Variants in MEP1B observed in about 807,000 individuals in gnomAD.
MEP1B encodes the protein N-benzoyl-L-tyrosyl-P-amino-benzoic acid hydrolase subunit beta.
Under a neutral mutation model 84.6 loss-of-function variants are expected in MEP1B, and 80 were observed. That is an observed-to-expected ratio of 0.95 (90% CI 0.79 to 1.14). MEP1B has a LOEUF of 1.14. Ranked by LOEUF, MEP1B falls within the 50% of genes most tolerant of loss-of-function variation. The pLI, the probability that MEP1B is intolerant of heterozygous loss-of-function variation, is 0.00. For missense variants in MEP1B, 766 were observed against 855.1 expected (o/e 0.90, Z 1.30); for synonymous variants, 273 against 288.1 (o/e 0.95, Z 0.53).
At chr18:32,202,710 A>T (rs566375882) in intron 5 of MEP1B, among the ~76,000 whole-genome samples, 183 bp from the exon 6 acceptor site, 69 of 152,350 alleles carry the variant, frequency 4.5e-4, no homozygotes, top group African/African-American at 1.6e-3. Flanking sequence ...CTGAAGAATA[A>T]GCAGATACTG....
intron 10 of MEP1B, 121 bp from the exon 11 acceptor site, chr18:32,212,995 C>A: frequency 1.1e-6 from 1 of 885,412 alleles, no homozygotes; most frequent in Non-Finnish European, 1.7e-6. Flanking sequence ...AACCATACTT[C>A]TGACCTGTAG....
At chr18:32,208,380 T>A in intron 9 of MEP1B, 109 bp downstream of exon 9, 2 of 1,152,062 alleles carry the variant, frequency 1.7e-6, no homozygotes, top group Non-Finnish European at 2.4e-6. Context: ...TTATTAATGA[T>A]TATTCATTAG....
In MEP1B at chr18:32,204,321, G is replaced by C; in HGVS notation, c.508G>C (p.Asp170His). ...FWHEQSRSDR[D>H]DYVRIMWDRI... ...GCATGAGCAGTCGCGTTCTGACCGG[G>C]ATGACTATGTCAGGATAATGTGGGA... The change falls in exon 7 of 15, where the codon GAT (aspartate) becomes CAT (histidine). Residue 170 changes from aspartate to histidine, a missense_variant. Coordinates refer to ENST00000269202, the MANE Select transcript of MEP1B (RefSeq NM_005925.3). 1 of 1,601,550 alleles carries C rather than the reference G, an allele frequency of 6.2e-7. No individual in the cohort carries two copies.
At chr18:32,206,485 A>C (rs1226824465) in intron 7 of MEP1B, among the ~76,000 whole-genome samples, 2 of 150,002 alleles carry the variant, frequency 1.3e-5, no homozygotes, top group Non-Finnish European at 3.0e-5. Context: ...GCTGGAGTGC[A>C]GTGGCGTGAT....
At chr18:32,202,577 T>C (rs908969147) in intron 5 of MEP1B, among the ~76,000 whole-genome samples, 2 of 152,206 alleles carry the variant, frequency 1.3e-5, no homozygotes, top group Non-Finnish European at 2.9e-5. Flanking sequence ...GTGATGGTGA[T>C]TATTTATTTT....
At chr18:32,214,846 T>C (rs2041065845) in intron 11 of MEP1B, among the ~76,000 whole-genome samples, 1 of 152,198 alleles carries the variant, frequency 6.6e-6, no homozygotes, top group African/African-American at 2.4e-5. Context: ...AAACTTCTGG[T>C]ACCTCTCCAC....
In MEP1B at chr18:32,196,001, C is replaced by T. The variant is rs370677780; in HGVS notation, c.250+516C>T. ...CCTGGTGAGTGAGGCCACTGACTGA[C>T]TGTCCATCTGCCTGTCCCTCTCTAT... On this transcript the variant is annotated intron_variant, in intron 5 of 14. Coordinates refer to ENST00000269202, the MANE Select transcript of MEP1B (RefSeq NM_005925.3). This position sits in a 1 kb window ranked among gnomAD's most constrained non-coding sequence, Gnocchi z 4.4. 5.8e-6 allele frequency: 2 copies of T among 345,576 alleles called. No individual in the cohort carries two copies. The allele number at this position is 345,576 out of a possible 1,614,324, so 21.4% of individuals were successfully genotyped here.
In MEP1B at chr18:32,196,435, G is replaced by T; in HGVS notation, c.250+950G>T. 1 of 694,492 alleles carries T rather than the reference G, an allele frequency of 1.4e-6. No homozygotes were observed. Among genetic ancestry groups the T allele is most frequent in the Non-Finnish European group, 2.7e-6 (1 of 376,184 alleles). The allele number at this position is 694,492 out of a possible 1,614,324, so 43.0% of individuals were successfully genotyped here. A position where few individuals can be genotyped will look rare whatever the true frequency, so the allele number is the denominator to read the frequency against. On this transcript the variant is annotated intron_variant, in intron 5 of 14. Transcript: ENST00000269202. The surrounding 1 kb of genome is among the most constrained non-coding windows in gnomAD (Gnocchi z 4.4). ...CTCGCCCAGCTGGGTCTTACAGAGGGTGTGCAGCCAGCCCTTCCTTCTGGT... is the reference window on the plus strand; with the variant it reads ...CTCGCCCAGCTGGGTCTTACAGAGGTTGTGCAGCCAGCCCTTCCTTCTGGT...
intron 7 of MEP1B, 141 bp downstream of exon 7, chr18:32,204,501 T>A: frequency 2.7e-6 from 2 of 735,164 alleles, no homozygotes; most frequent in Non-Finnish European, 4.4e-6. Flanking sequence ...TTGAACTCAT[T>A]CTGAGTTATT....
intron 14 of MEP1B, among the ~76,000 whole-genome samples, chr18:32,219,884 C>T (rs1229639974): frequency 6.6e-6 from 1 of 152,012 alleles, no homozygotes; most frequent in African/African-American, 2.4e-5. Context: ...AAACACATTC[C>T]TAAGGACAAG....
chr18:32,192,768 T>C lies in MEP1B; in HGVS notation c.128-6T>C, dbSNP rs2040815021. The C allele has an allele frequency of 3.1e-6, 5 of 1,612,942 alleles. No homozygotes were observed. Among genetic ancestry groups the C allele is most frequent in the Non-Finnish European group, 4.2e-6 (5 of 1,179,148 alleles). On this transcript the variant is annotated splice_region_variant and splice_polypyrimidine_tract_variant and intron_variant, in intron 3 of 14. Coordinates refer to ENST00000269202, the MANE Select transcript of MEP1B (RefSeq NM_005925.3). ...TGCTAACATGAATTTTTATCTTTAC[T>C]CTTAGGTTTGGGACTGGATCTTTTT...
intron 1 of MEP1B, among the ~76,000 whole-genome samples, chr18:32,191,320 ATTTGTATTGTC>A (rs924569364): frequency 2.0e-5 from 3 of 151,624 alleles, no homozygotes; most frequent in Admixed American, 2.0e-4. Flanking sequence ...TTTCTTAAAT[ATTTGTATTGTC>A]TTTGAAGGCA....
intron 14 of MEP1B, among the ~76,000 whole-genome samples, chr18:32,218,211 T>A (rs1027865521): frequency 5.3e-5 from 8 of 152,162 alleles, no homozygotes; most frequent in African/African-American, 1.9e-4. Context: ...GTTGTGTGTG[T>A]GGGTTTTTTT....
At chr18:32,210,055 T>C (rs1198849351) in intron 9 of MEP1B, among the ~76,000 whole-genome samples, 1 of 152,338 alleles carries the variant, frequency 6.6e-6, no homozygotes, top group Middle Eastern at 3.4e-3. Flanking sequence ...CTTTGTCCAA[T>C]GGTAGCTCTT....
At chr18:32,205,309 C>CTA (rs2040953716) in intron 7 of MEP1B, among the ~76,000 whole-genome samples, 1 of 152,176 alleles carries the variant, frequency 6.6e-6, no homozygotes, top group African/African-American at 2.4e-5. Context: ...CTATGTCTGA[C>CTA]TAGAGCTCAT....
chr18:32,195,606 G>T, intron 5 of MEP1B, 121 bp downstream of exon 5: 1 of 583,270 alleles, frequency 1.7e-6, no homozygotes, highest in Non-Finnish European at 2.9e-6. Context: ...TCCTTTGTGT[G>T]GCTATGTACA....
intron 5 of MEP1B, among the ~76,000 whole-genome samples, chr18:32,199,522 G>C (rs1568265891): frequency 6.6e-6 from 1 of 151,730 alleles, no homozygotes; most frequent in Admixed American, 6.6e-5. Flanking sequence ...AAGAGCACAG[G>C]GGGCATGAGG....
In MEP1B at chr18:32,196,243, T is replaced by C. The variant is rs771108099; in HGVS notation, c.250+758T>C. ...AATGAAGAGGATGCCATTGATGCCT[T>C]TGAACTGCTCCAAGACGCTGGCCAT... is the stretch of plus-strand genomic sequence containing the variant. On this transcript the variant is annotated intron_variant, in intron 5 of 14. Transcript: ENST00000269202. The surrounding 1 kb of genome is among the most constrained non-coding windows in gnomAD (Gnocchi z 4.4). 1.3e-5 allele frequency: 9 copies of C among 701,670 alleles called. No individual in the cohort carries two copies. The highest frequency in any genetic ancestry group is 2.7e-5 in the East Asian group (1 of 37,110). The allele number at this position is 701,670 out of a possible 1,614,324, so 43.5% of individuals were successfully genotyped here.
intron 5 of MEP1B, among the ~76,000 whole-genome samples, chr18:32,201,663 G>A (rs1159202681): frequency 1.3e-5 from 2 of 152,132 alleles, no homozygotes; most frequent in African/African-American, 4.8e-5. Context: ...AAAATGTATG[G>A]TAAGGGTGAT....
Sources: gnomAD v4.1 joint callset for allele counts (sites outside exome capture counted in the v4.1 genomes callset) on GRCh38, gnomAD v4.1.1 for gene constraint, Gnocchi (gnomAD v3.1) non-coding constraint, MANE v1.5 for transcripts, NCBI Gene and HGNC (gene_info 2026-07-23, HGNC 2026-07-21) for gene names.